Variants in DDX60L observed in about 807,000 individuals in gnomAD.
DDX60L encodes the protein probable ATP-dependent RNA helicase DDX60-like.
DDX60L carries 191 observed loss-of-function variants against 211.6 expected under a neutral mutation model. That is an observed-to-expected ratio of 0.90 (90% confidence interval 0.80 to 1.02). The LOEUF (loss-of-function observed/expected upper bound fraction) is 1.02, where lower values mean the gene tolerates loss of function less well. Among genes scored for constraint, DDX60L ranks in the 50% least tolerant of loss-of-function variants. The pLI is 0.00. For synonymous variants in DDX60L, 706 were observed against 694.1 expected (o/e 1.02, Z -0.27); for missense variants, 2,007 against 1,984.1 (o/e 1.01, Z -0.22).
chr4:168,417,922 C>T (rs1749850912), intron 19 of DDX60L, among the ~76,000 whole-genome samples: 1 of 152,200 alleles, frequency 6.6e-6, no homozygotes, highest in Non-Finnish European at 1.5e-5. Context: ...TTGATCTAGT[C>T]AGATAATCGC....
chr4:168,374,891 A>G (rs1366836818), intron 34 of DDX60L, among the ~76,000 whole-genome samples: 2 of 152,210 alleles, frequency 1.3e-5, no homozygotes, highest in Non-Finnish European at 2.9e-5. Flanking sequence ...AAAATGAGAC[A>G]CAGAAAGATT....
chr4:168,394,965 C>A (rs1745520711), intron 27 of DDX60L, among the ~76,000 whole-genome samples: 1 of 151,812 alleles, frequency 6.6e-6, no homozygotes, highest in South Asian at 2.1e-4. Flanking sequence ...GAGAGAGAGA[C>A]TTCTCCAAGA....
At chr4:168,395,507 T>TGGAG (rs1745613723) in intron 27 of DDX60L, among the ~76,000 whole-genome samples, 1 of 152,192 alleles carries the variant, frequency 6.6e-6, no homozygotes, top group African/African-American at 2.4e-5. Context: ...TGGACATAAA[T>TGGAG]TACTTGCATA....
At chr4:168,421,581 G>T (rs1291080974) in intron 17 of DDX60L, among the ~76,000 whole-genome samples, 179 bp downstream of exon 17, 2 of 152,190 alleles carry the variant, frequency 1.3e-5, no homozygotes, top group African/African-American at 2.4e-5. Flanking sequence ...CTTGAACACG[G>T]GAGGTGGAGG....
At chr4:168,442,914 A>G (rs1192790767) in intron 9 of DDX60L, among the ~76,000 whole-genome samples, 9 of 151,934 alleles carry the variant, frequency 5.9e-5, no homozygotes, top group Non-Finnish European at 1.0e-4. Context: ...AGATAAAACC[A>G]CAAAGATGGG....
intron 9 of DDX60L, among the ~76,000 whole-genome samples, chr4:168,447,042 A>G (rs879810740): frequency 0.072 from 8,912 of 124,638 alleles, 731 homozygotes; most frequent in African/African-American, 0.2. Context: ...GGATCTAATT[A>G]AACTAAAGAG....
Position 168,447,474 on chromosome 4 carries a change from C to T in DDX60L, c.1138+1164G>A, listed in dbSNP as rs1438163341. Among the ~76,000 whole-genome samples the T allele has an allele frequency of 4.6e-5, 7 of 151,862 alleles. No homozygotes were observed. In the East Asian group the frequency reaches 1.2e-3, roughly 25 times the overall value. On this transcript the variant is annotated intron_variant, in intron 9 of 37. Coordinates refer to ENST00000682922, the MANE Select transcript of DDX60L (RefSeq NM_001012967.3). ...TCAACCATTGTGGAAGTCAGTGTGG[C>T]GATTCCTCAGGGATCTAGACCTGGA...
chr4:168,430,878 G>A (rs1752242717), intron 12 of DDX60L, among the ~76,000 whole-genome samples: 1 of 152,132 alleles, frequency 6.6e-6, no homozygotes, highest in Non-Finnish European at 1.5e-5. Flanking sequence ...AGGAGAAGAG[G>A]AGAAGAGGAA....
intron 29 of DDX60L, among the ~76,000 whole-genome samples, chr4:168,386,668 C>T (rs768916480): frequency 3.8e-5 from 3 of 78,622 alleles, no homozygotes; most frequent in Non-Finnish European, 1.0e-4. Context: ...GCAGATTCAA[C>T]TAATCCCTGA....
chr4:168,433,064 G>T lies in DDX60L; in HGVS notation c.1346C>A (p.Ala449Asp). ...PSVGFIPMTS[A>D]VIDEFVGDMM... ...ATCTCCAACAAACTCATCAATTACA[G>T]CAGATGTCATTGGAATAAAGCCCAC... Residue 449 changes from alanine (A) to aspartate (D), a missense_variant, in exon 11 of 38, where the codon GCT becomes GAT. Ala to Asp is a moderately radical substitution (Grantham distance 126). Transcript: ENST00000682922. The T allele has an allele frequency of 1.9e-6, 3 of 1,609,728 alleles. No homozygotes were observed. The highest frequency in any genetic ancestry group is 2.5e-6 in the Non-Finnish European group (3 of 1,177,710).
In DDX60L at chr4:168,456,117, C is replaced by A; in HGVS notation, c.759G>T (p.Trp253Cys). ...CACGCTGGATGTCCGATCCTTCTGA[C>A]CATAGGTGCTGAAGCAGAAATAGAG... ...YQTLFLLQHL[W>C]SEGSDIQRVL... is the part of the protein sequence containing the mutation. Residue 253 changes from tryptophan to cysteine, a missense_variant, in exon 7 of 38, where the codon TGG becomes TGT. Coordinates refer to ENST00000682922, the MANE Select transcript of DDX60L (RefSeq NM_001012967.3). 1.9e-6 allele frequency: 3 copies of A among 1,592,566 alleles called. No homozygotes were observed. The highest frequency in any genetic ancestry group is 2.6e-6 in the Non-Finnish European group (3 of 1,171,688).
intron 10 of DDX60L, among the ~76,000 whole-genome samples, chr4:168,433,604 G>T: frequency 6.6e-6 from 1 of 152,104 alleles, no homozygotes. Flanking sequence ...TCCTATGTAT[G>T]GTTTACATGC....
At chr4:168,375,250 T>G (rs1013165686) in intron 34 of DDX60L, 127 bp downstream of exon 34, 1 of 920,182 alleles carries the variant, frequency 1.1e-6, no homozygotes, top group African/African-American at 1.7e-5. Flanking sequence ...ATAAAACACT[T>G]GGGTTAGTAC....
intron 5 of DDX60L, among the ~76,000 whole-genome samples, chr4:168,459,211 C>T (rs1468297956): frequency 6.6e-6 from 1 of 152,084 alleles, no homozygotes; most frequent in Admixed American, 6.5e-5. Context: ...GAAGGCCAGG[C>T]ATGATGGCTC....
At chr4:168,360,996 T>G (rs1277891601) in intron 37 of DDX60L, among the ~76,000 whole-genome samples, 153 bp downstream of exon 37, 1 of 152,220 alleles carries the variant, frequency 6.6e-6, no homozygotes, top group Non-Finnish European at 1.5e-5. Flanking sequence ...CTACAGAGCC[T>G]TTGGATAGCT....
intron 28 of DDX60L, among the ~76,000 whole-genome samples, chr4:168,392,099 T>A (rs1744939420): frequency 6.6e-6 from 1 of 152,190 alleles, no homozygotes; most frequent in Non-Finnish European, 1.5e-5. Context: ...ACTGCATGAA[T>A]GAATGAACAA....
intron 20 of DDX60L, among the ~76,000 whole-genome samples, chr4:168,416,254 T>C (rs999869032): frequency 6.6e-6 from 1 of 152,218 alleles, no homozygotes; most frequent in Non-Finnish European, 1.5e-5. Context: ...CTTTAATTAT[T>C]GGATAAGGAC....
chr4:168,387,258 C>T (rs1379695467), intron 29 of DDX60L, among the ~76,000 whole-genome samples: 2 of 152,192 alleles, frequency 1.3e-5, no homozygotes, highest in African/African-American at 4.8e-5. Flanking sequence ...AAACCAGCTG[C>T]TGTTGGTGGT....
intron 33 of DDX60L, 130 bp from the exon 34 acceptor site, chr4:168,375,654 A>C: frequency 1.2e-6 from 1 of 817,470 alleles, no homozygotes; most frequent in Non-Finnish European, 1.8e-6. Context: ...TACTTTACTC[A>C]CCTGTGAGAT....
Sources: gnomAD v4.1 joint callset for allele counts (sites outside exome capture counted in the v4.1 genomes callset) on GRCh38, gnomAD v4.1.1 for gene constraint, MANE v1.5 for transcripts, NCBI Gene and HGNC (gene_info 2026-07-23, HGNC 2026-07-21) for gene names.